The following DOCK6 variants were observed in gnomAD, a reference collection of about 807,000 sequenced individuals.
The protein encoded by DOCK6 is dedicator of cytokinesis 6.
DOCK6 carries 167 observed loss-of-function variants against 230.3 expected under a neutral mutation model. That is an observed-to-expected ratio of 0.73 (90% CI 0.64 to 0.82). DOCK6 has a LOEUF of 0.82. DOCK6 is among the 40% of genes least tolerant of loss of function. The pLI, the probability that DOCK6 is intolerant of heterozygous loss-of-function variation, is 0.00. For missense variants in DOCK6, 2,598 were observed against 2,825.8 expected (o/e 0.92, Z 1.83); for synonymous variants, 1,148 against 1,185.0 (o/e 0.97, Z 0.64).
chr19:11,229,194 C>T (rs764706793), intron 22 of DOCK6, 159 bp from the exon 23 acceptor site: 1 of 1,268,138 alleles, frequency 7.9e-7, no homozygotes, highest in Non-Finnish European at 1.1e-6. Flanking sequence ...TGCCCTTTCC[C>T]TGGGCTCGCC....
chr19:11,200,460 A>C lies in DOCK6; in HGVS notation c.5949T>G (p.Asp1983Glu), dbSNP rs370576494. Residue 1983 changes from aspartate (D) to glutamate (E), a missense_variant, in exon 47 of 48, where the codon GAT becomes GAG. Coordinates refer to ENST00000294618, the MANE Select transcript of DOCK6 (RefSeq NM_020812.4). This position sits in a 1 kb window ranked among gnomAD's most constrained non-coding sequence, Gnocchi z 4.3. ...TCAGGGCCTTATTTTTCCGCAGCGC[A>C]TCCTCACATCTGAGGGCCAGAGGGT... ...CFKDFCKKCE[D>E]ALRKNKALIG... 2 of 1,610,600 alleles carry C rather than the reference A, an allele frequency of 1.2e-6. No individual in the cohort carries two copies. The highest frequency in any genetic ancestry group is 2.2e-5 in the South Asian group (2 of 90,078).
At position 11,236,772 on chromosome 19, in the gene DOCK6, G is replaced by A; in HGVS notation, c.2160+21C>T. On this transcript the variant is annotated intron_variant, in intron 19 of 47. Transcript: ENST00000294618. This position sits in a 1 kb window ranked among gnomAD's most constrained non-coding sequence, Gnocchi z 5.2. ...AAGAGGGGAGCAGGGCGGGACTCTT[G>A]GTTCCCGGCCCACCCCGTACCTGGG... 2 of 1,551,616 alleles carry A rather than the reference G, an allele frequency of 1.3e-6. No individual in the cohort carries two copies. Among genetic ancestry groups the A allele is most frequent in the Non-Finnish European group, 1.7e-6 (2 of 1,147,246 alleles).
intron 7 of DOCK6, 21 bp downstream of exon 7, chr19:11,248,045 G>C: frequency 6.2e-7 from 1 of 1,602,746 alleles, no homozygotes; most frequent in Admixed American, 1.7e-5. Flanking sequence ...TCTAAGAAGA[G>C]AGACATGTCA....
At chr19:11,240,217 G>C in intron 14 of DOCK6, 17 of 1,568,162 alleles carry the variant, frequency 1.1e-5, no homozygotes, top group Non-Finnish European at 1.5e-5. Context: ...AAGGTGCTAC[G>C]GGACAGCGTG....
intron 31 of DOCK6, 113 bp downstream of exon 31, chr19:11,215,688 C>T: frequency 6.4e-7 from 1 of 1,554,520 alleles, no homozygotes; most frequent in Non-Finnish European, 8.8e-7. Context: ...GACTTCTCTC[C>T]AGGAAAAGTG....
chr19:11,242,353 G>T (rs1382872481), intron 13 of DOCK6, 146 bp from the exon 14 acceptor site: 2 of 857,608 alleles, frequency 2.3e-6, no homozygotes, highest in Non-Finnish European at 3.2e-6. Flanking sequence ...GCCAGAAATT[G>T]CCCTCAACTC....
rs1348499406 is a variant in DOCK6, at chr19:11,208,929, C to T, written c.4926G>A (p.Val1642=). The change falls in exon 38 of 48, where the codon GTG becomes GTA. Residue 1642 remains valine, a synonymous_variant. Transcript: ENST00000294618. ...CACTCACCTGGAAGGAAACGCAGCC[C>T]ACGGGCAGGTGGCGGTGGTCCTCGA... is the stretch of plus-strand genomic sequence containing the variant. ...ALLEDHRHLP[V]GCVSFQNISS... is the part of the protein sequence containing the mutation. 6.3e-6 allele frequency: 10 copies of T among 1,596,916 alleles called. No homozygotes were observed. Among genetic ancestry groups the T allele is most frequent in the African/African-American group, 1.3e-5 (1 of 74,524 alleles).
Position 11,243,386 on chromosome 19 carries a change from C to G in DOCK6, c.1259-1G>C. ...CGGTCTGTCCAGGCTGGCCGGCGCT[C>G]TAGGGGAGGGAATGACAATGACAAA... is the stretch of plus-strand genomic sequence containing the variant. On this transcript the variant is annotated splice_acceptor_variant, in intron 11 of 47. Transcript: ENST00000294618. LOFTEE classifies it high-confidence loss of function. This position sits in a 1 kb window ranked among gnomAD's most constrained non-coding sequence, Gnocchi z 6.3. The G allele has an allele frequency of 6.2e-7, 1 of 1,601,406 alleles. No individual in the cohort carries two copies. The highest frequency in any genetic ancestry group is 1.7e-5 in the Admixed American group (1 of 58,034).
intron 20 of DOCK6, 118 bp from the exon 21 acceptor site, chr19:11,235,877 A>AT (rs56665433): frequency 0.11 from 94,488 of 876,040 alleles, 44 homozygotes; most frequent in South Asian, 0.12. Flanking sequence ...GGGGTCACAA[A>AT]TTTTTTTTTT....
Position 11,206,666 on chromosome 19 carries a change from G to GATAC in DOCK6, c.5088+2016_5088+2019dup, listed in dbSNP as rs555838051. On this transcript the variant is annotated intron_variant, in intron 39 of 47. Transcript: ENST00000294618. The stretch of plus-strand genomic sequence containing the variant: ...ATTCAAACCAAGTCACCCCAGAAAA[G>GATAC]ATACATCAGAGATCATCTGGGACAT... Among the ~76,000 whole-genome samples the GATAC allele has an allele frequency of 2.8e-4, 43 of 152,152 alleles. No individual in the cohort carries two copies. In the East Asian group the frequency reaches 8.1e-3, roughly 29 times the overall value.
intron 39 of DOCK6, among the ~76,000 whole-genome samples, chr19:11,206,996 A>G (rs2079272914): frequency 6.6e-6 from 1 of 151,916 alleles, no homozygotes; most frequent in Non-Finnish European, 1.5e-5. Context: ...CACCATGCCC[A>G]GCTAATTTTT....
chr19:11,201,107 G>A lies in DOCK6; in HGVS notation c.5689-55C>T, dbSNP rs932245742. On this transcript the variant is annotated intron_variant, in intron 44 of 47. Transcript: ENST00000294618. The surrounding 1 kb of genome is among the most constrained non-coding windows in gnomAD (Gnocchi z 4.3). ...GCTGGGGCCTGAGGAGGTCCTGATC[G>A]AAGCCAGTCGGGGGCAGCTCAGACC... 3.8e-6 allele frequency: 6 copies of A among 1,595,648 alleles called. No individual in the cohort carries two copies. The African/African-American group carries it at 4.0e-5, about 11-fold the overall frequency.
rs999880389 is a variant in DOCK6, at chr19:11,262,421, C to A, written c.20G>T (p.Arg7Leu). ...CCTGTTGATCTTGTGCGCGAAGGCGCGGCGCTCGGAGGCAGCCATGGTCCT... is the reference window on the plus strand; with the variant it reads ...CCTGTTGATCTTGTGCGCGAAGGCGAGGCGCTCGGAGGCAGCCATGGTCCT... MAASERRAFAHKINRTV... is the reference protein window; with the variant it reads MAASERLAFAHKINRTV... Residue 7 changes from arginine to leucine, a missense_variant, in exon 1 of 48, where the codon CGC becomes CTC. By Grantham distance (102) the Arg-to-Leu change is moderately radical (BLOSUM62 -2). Coordinates refer to ENST00000294618, the MANE Select transcript of DOCK6 (RefSeq NM_020812.4). 7.9e-7 allele frequency: 1 copy of A among 1,264,562 alleles called. No individual in the cohort carries two copies. Among genetic ancestry groups the A allele is most frequent in the Non-Finnish European group, 1.0e-6 (1 of 1,004,170 alleles). The allele number at this position is 1,264,562 out of a possible 1,614,324, so 78.3% of individuals were successfully genotyped here. A position where few individuals can be genotyped will look rare whatever the true frequency, so the allele number is the denominator to read the frequency against.
rs779843581 is a variant in DOCK6 at position 11,243,592 on chromosome 19, G to A, written c.1223C>T (p.Ala408Val). The A allele has an allele frequency of 3.4e-5, 54 of 1,609,696 alleles. No individual in the cohort carries two copies. The highest frequency in any genetic ancestry group is 4.4e-5 in the Non-Finnish European group (52 of 1,178,742). The change falls in exon 11 of 48, where the codon GCT becomes GTT. Residue 408 changes from alanine (A) to valine (V), a missense_variant. Physicochemically the swap from Ala to Val is moderately conservative, Grantham distance 64. Coordinates refer to ENST00000294618, the MANE Select transcript of DOCK6 (RefSeq NM_020812.4). The surrounding 1 kb of genome is among the most constrained non-coding windows in gnomAD (Gnocchi z 6.3). ...AVHLANIVSS[A>V]GQLDRDSDSE... ...GTCAGAGTCCCGGTCCAGCTGCCCAGCGCTGCTCACGATGTTGGCCAAGTG... is the reference window on the plus strand; with the variant it reads ...GTCAGAGTCCCGGTCCAGCTGCCCAACGCTGCTCACGATGTTGGCCAAGTG...
At position 11,262,396 on chromosome 19, in the gene DOCK6, C is replaced by A; in HGVS notation, c.44+1G>T. 1 of 1,283,882 alleles carries A rather than the reference C, an allele frequency of 7.8e-7. No homozygotes were observed. Among genetic ancestry groups the A allele is most frequent in the South Asian group, 2.8e-5 (1 of 36,142 alleles). 79.5% of individuals were successfully genotyped at this position (1,283,882 alleles called of 1,614,324 possible). On this transcript the variant is annotated splice_donor_variant, in intron 1 of 47. Transcript: ENST00000294618. LOFTEE classifies it high-confidence loss of function. ...GGGAGGGGGCCCCGCGGCCACACTA[C>A]CTGTTGATCTTGTGCGCGAAGGCGC...
At position 11,233,255 on chromosome 19, in the gene DOCK6, G is replaced by A; in HGVS notation, c.2666C>T (p.Ala889Val). 1 of 1,613,910 alleles carries A rather than the reference G, an allele frequency of 6.2e-7. No individual in the cohort carries two copies. Among genetic ancestry groups the A allele is most frequent in the African/African-American group, 1.3e-5 (1 of 75,022 alleles). The stretch of plus-strand genomic sequence containing the variant: ...GTCATCCACAGAGCCAGGGGCCACG[G>A]CGAGGTCAGGGTTGCTGCTGCTGAT... ...KSISSSNPDL[A>V]VAPGSVDDEV... The change falls in exon 22 of 48, where the codon GCC becomes GTC. Residue 889 changes from alanine (A) to valine (V), a missense_variant. By Grantham distance (64) the Ala-to-Val change is moderately conservative. Transcript: ENST00000294618.
In DOCK6 at chr19:11,200,798, A is replaced by G; in HGVS notation, c.5857T>C (p.Phe1953Leu). 3.1e-6 allele frequency: 5 copies of G among 1,612,776 alleles called. No individual in the cohort carries two copies. The highest frequency in any genetic ancestry group is 4.2e-6 in the Non-Finnish European group (5 of 1,178,994). Residue 1953 changes from phenylalanine (F) to leucine (L), a missense_variant, in exon 46 of 48, where the codon TTT becomes CTT. Physicochemically the swap from Phe to Leu is conservative, Grantham distance 22 (BLOSUM62 0). Coordinates refer to ENST00000294618, the MANE Select transcript of DOCK6 (RefSeq NM_020812.4). The surrounding 1 kb of genome is among the most constrained non-coding windows in gnomAD (Gnocchi z 4.3). ...GGGTCTTCCGGGATCTCTGCTAAAA[A>G]CACCTGGGCCACCTCCAGGGGACCC... ...NQGPLEVAQV[F>L]LAEIPEDPKL...
chr19:11,213,060 C>T (rs1359034491), intron 35 of DOCK6, 116 bp downstream of exon 35: 2 of 1,370,730 alleles, frequency 1.5e-6, no homozygotes, highest in Non-Finnish European at 2.0e-6. Flanking sequence ...GAGCCCTCCT[C>T]CTGCTCATTA....
chr19:11,216,472 A>G (rs1297222964), intron 30 of DOCK6, among the ~76,000 whole-genome samples: 1 of 151,532 alleles, frequency 6.6e-6, no homozygotes, highest in Admixed American at 6.6e-5. Flanking sequence ...CAGTGGCACA[A>G]TCTCAGCTCA....
Sources: gnomAD v4.1 joint callset for allele counts (sites outside exome capture counted in the v4.1 genomes callset) on GRCh38, gnomAD v4.1.1 for gene constraint, Gnocchi (gnomAD v3.1) non-coding constraint, MANE v1.5 for transcripts, NCBI Gene and HGNC (gene_info 2026-07-23, HGNC 2026-07-21) for gene names.